The following PAX5 variants were observed in gnomAD, a reference collection of about 807,000 sequenced individuals.
PAX5 encodes the protein paired box 5.
In PAX5, 9 loss-of-function variants were observed where a neutral mutation model predicts 43.7. The ratio of observed to expected loss-of-function variants is 0.21; its 90% CI spans 0.12 to 0.36. PAX5 has a LOEUF of 0.36. Ranked by LOEUF, PAX5 falls within the 10% of genes least tolerant of loss-of-function variation. The probability of loss-of-function intolerance (pLI) is 1.00; values close to 1 mark genes in which losing one functional copy is unlikely to be tolerated. For missense variants in PAX5, 383 were observed against 532.7 expected (o/e 0.72, Z 2.77); for synonymous variants, 228 against 214.3 (o/e 1.06, Z -0.56).
chr9:36,973,451 G>T (rs1213319715), intron 5 of PAX5, among the ~76,000 whole-genome samples: 1 of 152,210 alleles, frequency 6.6e-6, no homozygotes, highest in Non-Finnish European at 1.5e-5. Context: ...TTTCCAGTTT[G>T]GGTCAAGTGA....
At chr9:36,930,874 C>T (rs1370391766) in intron 6 of PAX5, 1 of 1,308,768 alleles carries the variant, frequency 7.6e-7, no homozygotes, top group South Asian at 1.2e-5. Context: ...TCATTTGGGT[C>T]CCTAGGAAAT....
chr9:36,978,446 C>T (rs1029639047), intron 5 of PAX5, among the ~76,000 whole-genome samples: 9 of 152,294 alleles, frequency 5.9e-5, no homozygotes, highest in Admixed American at 2.0e-4. Flanking sequence ...GGGATGCATA[C>T]ATCCCTTTTA....
intron 6 of PAX5, among the ~76,000 whole-genome samples, chr9:36,929,254 G>A (rs62534701): frequency 0.13 from 7,771 of 60,308 alleles, 359 homozygotes; most frequent in Non-Finnish European, 0.21. Context: ...AGGAAGGAAG[G>A]AAGGAAGGAA....
rs7851941 is a variant in PAX5 at position 36,860,214 on chromosome 9, G to T, written c.1013-13285C>A. Among the ~76,000 whole-genome samples the T allele has an allele frequency of 9.3e-3, 1,412 of 152,154 alleles. 22 individuals are homozygous for T. The highest frequency in any genetic ancestry group is 0.032 in the African/African-American group (1,344 of 41,498). ...TAGCCGGGCGTGGTGGCACATGCCT[G>T]TAATCCCAGCTACTCAGGAGGCTGA... is the stretch of plus-strand genomic sequence containing the variant. On this transcript the variant is annotated intron_variant, in intron 8 of 9. Coordinates refer to ENST00000358127, the MANE Select transcript of PAX5 (RefSeq NM_016734.3).
At chr9:36,931,688 T>C (rs1214013161) in intron 6 of PAX5, among the ~76,000 whole-genome samples, 1 of 151,076 alleles carries the variant, frequency 6.6e-6, no homozygotes, top group Admixed American at 6.6e-5. Context: ...ATCTCTACTA[T>C]AAATAAAAAA....
intron 8 of PAX5, among the ~76,000 whole-genome samples, chr9:36,871,435 C>G (rs1271371133): frequency 1.3e-5 from 2 of 152,186 alleles, no homozygotes; most frequent in Admixed American, 1.3e-4. Context: ...GGACCCCTAA[C>G]CTCTCAGGGC....
chr9:37,033,433 T>C (rs1411063), intron 1 of PAX5, among the ~76,000 whole-genome samples: 135,376 of 152,216 alleles, frequency 0.89, 61,480 homozygotes, highest in Non-Finnish European at 0.99. Context: ...CAAAAATCAC[T>C]TGGGATATAA....
chr9:37,007,772 G>C (rs7870336), intron 3 of PAX5: 94,005 of 152,092 alleles, frequency 0.62, 29,341 homozygotes, highest in Middle Eastern at 0.82. Flanking sequence ...ATCTAAAAAC[G>C]GTATTTTGGT....
intron 5 of PAX5, among the ~76,000 whole-genome samples, chr9:36,980,555 C>T (rs978347374): frequency 6.6e-6 from 1 of 152,140 alleles, no homozygotes; most frequent in African/African-American, 2.4e-5. Flanking sequence ...GTCTCTGTTC[C>T]AGTCAGTCCC....
In PAX5 at chr9:37,034,009, G is replaced by A. The variant is rs1401484095; in HGVS notation, c.23C>T (p.Pro8Leu). 1 of 1,610,510 alleles carries A rather than the reference G, an allele frequency of 6.2e-7. No homozygotes were observed. Among genetic ancestry groups the A allele is most frequent in the South Asian group, 1.1e-5 (1 of 90,804 alleles). MDLEKNY[P>L]TPRTSRTGHG... is the part of the protein sequence containing the mutation. The stretch of plus-strand genomic sequence containing the variant: ...ACCTGTCCTGCTGGTCCGAGGAGTC[G>A]GATAATTTTTCTCTAAATCCATTTT... Residue 8 changes from proline to leucine, a missense_variant, in exon 1 of 10, where the codon CCG (proline) becomes CTG (leucine). Physicochemically the swap from Pro to Leu is moderately conservative, Grantham distance 98. This residue lies in a region of PAX5 where 54 missense variants were observed against 68.6 expected (regional missense o/e 0.79). Coordinates refer to ENST00000358127, the MANE Select transcript of PAX5 (RefSeq NM_016734.3).
At chr9:36,852,015 A>G (rs1450287885) in intron 8 of PAX5, among the ~76,000 whole-genome samples, 2 of 152,224 alleles carry the variant, frequency 1.3e-5, no homozygotes, top group Non-Finnish European at 2.9e-5. Flanking sequence ...CTTTGGGTAC[A>G]TGCATTCACC....
chr9:37,027,055 G>C (rs1840459932), intron 1 of PAX5, among the ~76,000 whole-genome samples: 2 of 152,212 alleles, frequency 1.3e-5, no homozygotes, highest in South Asian at 2.1e-4. Context: ...CGATGCTTCT[G>C]AGGTCCCTCC....
chr9:36,869,300 T>A (rs895507181), intron 8 of PAX5, among the ~76,000 whole-genome samples: 8 of 152,172 alleles, frequency 5.3e-5, no homozygotes, highest in Non-Finnish European at 1.2e-4. Context: ...AGAACCTTTG[T>A]CTTCATTGTT....
intron 5 of PAX5, among the ~76,000 whole-genome samples, chr9:36,968,910 C>T (rs1013904221): frequency 6.6e-6 from 1 of 152,040 alleles, no homozygotes; most frequent in African/African-American, 2.4e-5. Context: ...GTTCTATGCA[C>T]ACACACACAT....
chr9:36,956,550 G>A (rs1833496511), intron 6 of PAX5, among the ~76,000 whole-genome samples: 2 of 152,092 alleles, frequency 1.3e-5, no homozygotes, highest in Admixed American at 1.3e-4. Flanking sequence ...AGAACCCCAC[G>A]CTTTTCACTA....
rs545776137 is a variant in PAX5 at position 36,903,039 on chromosome 9, A to T, written c.910+20316T>A. Among the ~76,000 whole-genome samples the T allele has an allele frequency of 2.0e-5, 3 of 152,228 alleles. No homozygotes were observed. In the South Asian group the frequency reaches 6.2e-4, roughly 32 times the overall value. ...AGGTTCCCCACCCCTCACCACCAGCACTTGGCATCCTTCCTCCTCTCAGGC... is the reference window on the plus strand; with the variant it reads ...AGGTTCCCCACCCCTCACCACCAGCTCTTGGCATCCTTCCTCCTCTCAGGC... On this transcript the variant is annotated intron_variant, in intron 7 of 9. Transcript: ENST00000358127.
intron 5 of PAX5, among the ~76,000 whole-genome samples, chr9:36,981,307 G>T (rs531352777): frequency 6.6e-6 from 1 of 151,688 alleles, no homozygotes; most frequent in South Asian, 2.1e-4. Flanking sequence ...TCCTTAGAAC[G>T]TCACTCATGT....
At chr9:36,938,389 C>T (rs976902707) in intron 6 of PAX5, among the ~76,000 whole-genome samples, 13 of 152,250 alleles carry the variant, frequency 8.5e-5, no homozygotes, top group Admixed American at 2.6e-4. Context: ...ATTTCTTCTC[C>T]CTTACACACA....
chr9:37,033,956 GCA>G (rs766644849), intron 1 of PAX5, 28 bp downstream of exon 1: 6 of 1,608,644 alleles, frequency 3.7e-6, no homozygotes, highest in Non-Finnish European at 5.1e-6. Context: ...CCCGGAGTTT[GCA>G]CATCTGGAGC....
Sources: gnomAD v4.1 joint callset for allele counts (sites outside exome capture counted in the v4.1 genomes callset) on GRCh38, gnomAD v4.1.1 for gene constraint, gnomAD v4.1.1 regional missense constraint, MANE v1.5 for transcripts, NCBI Gene and HGNC (gene_info 2026-07-23, HGNC 2026-07-21) for gene names.